TANK: variants seen among roughly 807,000 people sequenced by gnomAD.
TANK encodes TRAF family member associated NFKB activator.
In TANK, 15 loss-of-function variants were observed where a neutral mutation model predicts 43.6. That is an observed-to-expected ratio of 0.34 (90% CI 0.23 to 0.53). TANK has a LOEUF of 0.53. TANK is among the 20% of genes least tolerant of loss of function. The pLI is 0.94. For missense variants in TANK, 417 were observed against 498.6 expected (o/e 0.84, Z 1.56); for synonymous variants, 162 against 178.2 (o/e 0.91, Z 0.73).
intron 1 of TANK, among the ~76,000 whole-genome samples, chr2:161,165,434 C>T (rs1321683052): frequency 6.6e-6 from 1 of 152,086 alleles, no homozygotes; most frequent in African/African-American, 2.4e-5. Flanking sequence ...TATTCACAAC[C>T]ATTTATTATG....
chr2:161,225,989 A>G (rs1687596059), intron 6 of TANK, among the ~76,000 whole-genome samples: 1 of 152,188 alleles, frequency 6.6e-6, no homozygotes, highest in South Asian at 2.1e-4. Context: ...TTCATGAGAA[A>G]TTGATCTTTT....
At chr2:161,181,407 C>T (rs1275848903) in intron 2 of TANK, among the ~76,000 whole-genome samples, 2 of 151,974 alleles carry the variant, frequency 1.3e-5, no homozygotes. Context: ...GTAATAAGAA[C>T]GAAACTCCAT....
At chr2:161,232,251 TA>T (rs1687947644) in intron 7 of TANK, among the ~76,000 whole-genome samples, 2 of 151,970 alleles carry the variant, frequency 1.3e-5, no homozygotes, top group Admixed American at 6.6e-5. Context: ...TTCTTTTAGT[TA>T]AAAAAAAGTT....
chr2:161,172,355 C>CT (rs72017971), intron 1 of TANK, among the ~76,000 whole-genome samples: 1,588 of 89,194 alleles, frequency 0.018, 11 homozygotes, highest in Middle Eastern at 0.032. Context: ...TTTTTTTCGG[C>CT]TTTTTTTTTT....
At chr2:161,178,953 T>G (rs1169652056) in intron 1 of TANK, among the ~76,000 whole-genome samples, 2 of 152,112 alleles carry the variant, frequency 1.3e-5, no homozygotes, top group Non-Finnish European at 2.9e-5. Flanking sequence ...AGACTGAGGT[T>G]ATAAAACCAA....
intron 2 of TANK, among the ~76,000 whole-genome samples, chr2:161,202,182 C>CTTTTT (rs35913723): frequency 8.4e-4 from 66 of 78,118 alleles, no homozygotes; most frequent in Non-Finnish European, 1.1e-3. Context: ...GCTCTAATTT[C>CTTTTT]TTTTTTTTTT....
chr2:161,226,803 T>C (rs1467577580), intron 6 of TANK, among the ~76,000 whole-genome samples: 1 of 26,262 alleles, frequency 3.8e-5, no homozygotes, highest in African/African-American at 6.8e-5. Context: ...TAAAGGAGTG[T>C]CCAATTTCAG....
chr2:161,221,832 A>G (rs755835177), intron 4 of TANK, among the ~76,000 whole-genome samples: 15 of 152,086 alleles, frequency 9.9e-5, no homozygotes, highest in African/African-American at 3.4e-4. Flanking sequence ...ACTTTTTTCA[A>G]TAAGAATAAA....
intron 2 of TANK, among the ~76,000 whole-genome samples, chr2:161,185,974 A>G (rs925112033): frequency 6.6e-6 from 1 of 152,134 alleles, no homozygotes; most frequent in African/African-American, 2.4e-5. Context: ...CCTACTCAAA[A>G]TTTTTCAGTG....
intron 1 of TANK, among the ~76,000 whole-genome samples, chr2:161,138,211 C>T (rs1420552674): frequency 2.6e-5 from 4 of 152,050 alleles, no homozygotes; most frequent in Non-Finnish European, 4.4e-5. Flanking sequence ...AAGTTATTTT[C>T]TTAAGAATAA....
intron 1 of TANK, among the ~76,000 whole-genome samples, chr2:161,176,823 G>A (rs745581570): frequency 1.3e-5 from 2 of 152,030 alleles, no homozygotes; most frequent in African/African-American, 2.4e-5. Flanking sequence ...AGATCTAAAG[G>A]TACAGGTGTG....
In TANK at chr2:161,235,586, T is replaced by A; in HGVS notation, c.*68T>A. The A allele has an allele frequency of 8.0e-7, 1 of 1,243,704 alleles. No individual in the cohort carries two copies. Among genetic ancestry groups the A allele is most frequent in the African/African-American group, 1.5e-5 (1 of 64,744 alleles). The allele number at this position is 1,243,704 out of a possible 1,614,324, so 77.0% of individuals were successfully genotyped here. On this transcript the variant is annotated 3_prime_UTR_variant, in exon 8 of 8. Coordinates refer to ENST00000392749, the MANE Select transcript of TANK (RefSeq NM_001199135.3). Reference sequence around the variant, plus strand: ...TTGGGTTTTTAATACTATAAATACTTGATTGTAAACTAAATTCAAGATCAT... The same window carrying A: ...TTGGGTTTTTAATACTATAAATACTAGATTGTAAACTAAATTCAAGATCAT...
At chr2:161,179,790 C>T in intron 2 of TANK, 29 bp downstream of exon 2, 1 of 1,591,500 alleles carries the variant, frequency 6.3e-7, no homozygotes, top group Non-Finnish European at 8.6e-7. Context: ...GAAAGTTATT[C>T]TTTATCTTGG....
At chr2:161,224,594 T>C (rs1485333453) in intron 5 of TANK, 37 bp from the exon 6 acceptor site, 1 of 1,039,630 alleles carries the variant, frequency 9.6e-7, no homozygotes, top group Middle Eastern at 2.5e-4. Context: ...TTGGAAGTTA[T>C]AGCTTTACAT....
At chr2:161,235,057 G>A (rs954748911) in intron 7 of TANK, among the ~76,000 whole-genome samples, 6 of 121,830 alleles carry the variant, frequency 4.9e-5, no homozygotes, top group Admixed American at 3.0e-4. Context: ...TGTTGTGATC[G>A]AGTATTAAAA....
At chr2:161,161,163 G>A in intron 1 of TANK, 2 of 1,445,324 alleles carry the variant, frequency 1.4e-6, no homozygotes. Flanking sequence ...AAAAAGCTGT[G>A]CTTTTCTAGA....
chr2:161,212,183 C>T, intron 4 of TANK: 1 of 306,100 alleles, frequency 3.3e-6, no homozygotes, highest in Non-Finnish European at 4.8e-6. Flanking sequence ...GCCTCAGCCT[C>T]CCGAATAGCT....
intron 2 of TANK, among the ~76,000 whole-genome samples, chr2:161,199,187 ATCTT>A (rs1436728066): frequency 6.6e-6 from 1 of 151,998 alleles, no homozygotes. Flanking sequence ...CCTTTAGTAA[ATCTT>A]TCATTCTCTT....
At chr2:161,160,349 G>T, upstream of TANK, 2 of 1,037,172 alleles carry the variant, frequency 1.9e-6, no homozygotes, top group Non-Finnish European at 2.5e-6. Flanking sequence ...GCCTTGTTGG[G>T]TGGAGGTGAA....
Sources: gnomAD v4.1 joint callset for allele counts (sites outside exome capture counted in the v4.1 genomes callset) on GRCh38, gnomAD v4.1.1 for gene constraint, MANE v1.5 for transcripts, NCBI Gene and HGNC (gene_info 2026-07-23, HGNC 2026-07-21) for gene names.